The following COL28A1 variants were observed in gnomAD, a reference collection of about 807,000 sequenced individuals.
COL28A1 encodes the protein collagen alpha-1(XXVIII) chain.
COL28A1 carries 161 observed loss-of-function variants against 150.2 expected under a neutral mutation model. The ratio of observed to expected loss-of-function variants is 1.07; its 90% CI spans 0.94 to 1.22. The LOEUF (loss-of-function observed/expected upper bound fraction) is 1.22, where lower values mean the gene tolerates loss of function less well. COL28A1 is among the 50% of genes most tolerant of loss of function. COL28A1 has a pLI of 0.00. For synonymous variants in COL28A1, 552 were observed against 469.7 expected (o/e 1.18, Z -2.26); for missense variants, 1,617 against 1,388.3 (o/e 1.16, Z -2.62).
At chr7:7,378,120 C>T (rs963335891) in intron 30 of COL28A1, among the ~76,000 whole-genome samples, 2 of 151,954 alleles carry the variant, frequency 1.3e-5, no homozygotes, top group Non-Finnish European at 2.9e-5. Context: ...TAAGATCTGG[C>T]GCTTGGGAGA....
chr7:7,490,758 C>T, intron 11 of COL28A1, 112 bp from the exon 12 acceptor site: 1 of 541,582 alleles, frequency 1.8e-6, no homozygotes. Flanking sequence ...CAACAACAAA[C>T]CTGTACATCG....
chr7:7,374,438 C>A (rs1470819962), intron 31 of COL28A1, among the ~76,000 whole-genome samples: 1 of 152,056 alleles, frequency 6.6e-6, no homozygotes, highest in Admixed American at 6.6e-5. Flanking sequence ...TCCAGTCACC[C>A]ACAATGACAA....
intron 3 of COL28A1, among the ~76,000 whole-genome samples, chr7:7,527,729 A>T (rs1782110021): frequency 6.6e-6 from 1 of 152,212 alleles, no homozygotes; most frequent in South Asian, 2.1e-4. Context: ...ATGGATTCAT[A>T]TATATGGCAT....
chr7:7,375,724 G>C (rs144260879), intron 30 of COL28A1, among the ~76,000 whole-genome samples: 1 of 152,156 alleles, frequency 6.6e-6, no homozygotes, highest in Non-Finnish European at 1.5e-5. Context: ...AATTCAAATT[G>C]CAACTGCAGC....
downstream of COL28A1, among the ~76,000 whole-genome samples, chr7:7,351,851 C>A (rs1205304034): frequency 1.3e-5 from 2 of 152,128 alleles, no homozygotes; most frequent in Non-Finnish European, 2.9e-5. Flanking sequence ...AATGGACACT[C>A]CTCTCAGTCA....
chr7:7,392,661 C>T (rs1318843017), intron 27 of COL28A1, among the ~76,000 whole-genome samples: 3 of 152,174 alleles, frequency 2.0e-5, no homozygotes, highest in Non-Finnish European at 4.4e-5. Flanking sequence ...TTCTTGGAGG[C>T]TTTGTTGGTT....
chr7:7,485,751 A>G (rs1284075824), intron 13 of COL28A1, among the ~76,000 whole-genome samples: 1 of 152,128 alleles, frequency 6.6e-6, no homozygotes, highest in Non-Finnish European at 1.5e-5. Context: ...TGCTTTCACA[A>G]TCTGTTGACT....
At position 7,443,647 on chromosome 7, in the gene COL28A1, C is replaced by A. The variant is rs369405415; in HGVS notation, c.1588G>T (p.Ala530Ser). 6.2e-7 allele frequency: 1 copy of A among 1,614,074 alleles called. No individual in the cohort carries two copies. Among genetic ancestry groups the A allele is most frequent in the Admixed American group, 1.7e-5 (1 of 60,012 alleles). Reference protein sequence around the residue: ...EDGAAGKKGEAGLPGARGPEG... With the variant: ...EDGAAGKKGESGLPGARGPEG... ...GGGCCTCTTGCTCCCGGAAGCCCCG[C>A]TTCTCCCTAGAGAAAATGACACTGA... The change falls in exon 20 of 35, where the codon GCG (alanine) becomes TCG (serine). Residue 530 changes from alanine (A) to serine (S), a missense_variant. Ala to Ser is a moderately conservative substitution (Grantham distance 99, BLOSUM62 1). Coordinates refer to ENST00000399429, the MANE Select transcript of COL28A1 (RefSeq NM_001037763.3).
chr7:7,381,489 T>A, intron 28 of COL28A1, 55 bp downstream of exon 28: 1 of 1,281,444 alleles, frequency 7.8e-7, no homozygotes, highest in Non-Finnish European at 1.1e-6. Context: ...AAAGTTAAAG[T>A]TAAGCTATTG....
chr7:7,513,769 G>A (rs953492822), intron 8 of COL28A1, among the ~76,000 whole-genome samples: 3 of 152,168 alleles, frequency 2.0e-5, no homozygotes, highest in African/African-American at 7.2e-5. Flanking sequence ...TTAGCTATAG[G>A]GGCCTGAGGA....
chr7:7,511,601 C>G (rs1272840079), intron 8 of COL28A1: 1 of 319,682 alleles, frequency 3.1e-6, no homozygotes, highest in Non-Finnish European at 6.4e-6. Flanking sequence ...GATACTTTAA[C>G]TTGGAATTCC....
chr7:7,365,648 T>C (rs1780896833), intron 33 of COL28A1, among the ~76,000 whole-genome samples: 1 of 152,212 alleles, frequency 6.6e-6, no homozygotes, highest in African/African-American at 2.4e-5. Flanking sequence ...ATTTTGCATA[T>C]ATTACAAAGT....
intron 26 of COL28A1, among the ~76,000 whole-genome samples, chr7:7,418,238 C>G (rs1239704517): frequency 6.6e-6 from 1 of 152,222 alleles, no homozygotes; most frequent in Non-Finnish European, 1.5e-5. Flanking sequence ...CCACCAAGCT[C>G]AAGAACACCA....
intron 27 of COL28A1, among the ~76,000 whole-genome samples, chr7:7,394,970 C>G (rs1782753341): frequency 6.6e-6 from 1 of 152,114 alleles, no homozygotes; most frequent in Non-Finnish European, 1.5e-5. Flanking sequence ...CTCATTGCCT[C>G]AGACTGAAAT....
At chr7:7,393,423 C>T (rs1182863074) in intron 27 of COL28A1, among the ~76,000 whole-genome samples, 5 of 152,208 alleles carry the variant, frequency 3.3e-5, no homozygotes, top group Non-Finnish European at 7.3e-5. Context: ...AGTCAGGAGA[C>T]ACAGGGTTCA....
At chr7:7,482,240 G>GA (rs1779366994) in intron 13 of COL28A1, among the ~76,000 whole-genome samples, 1 of 152,068 alleles carries the variant, frequency 6.6e-6, no homozygotes. Context: ...AATTCACATT[G>GA]TTGGCTGAGC....
At chr7:7,390,124 G>C (rs905570954) in intron 27 of COL28A1, among the ~76,000 whole-genome samples, 2 of 152,152 alleles carry the variant, frequency 1.3e-5, no homozygotes, top group Admixed American at 6.5e-5. Flanking sequence ...TACTGGCTTT[G>C]GGTTTGTCAT....
At chr7:7,349,793 TTGGTCCC>T in the COL28A1 span, among the ~76,000 whole-genome samples, 1 of 152,096 alleles carries the variant, frequency 6.6e-6, no homozygotes, top group East Asian at 1.9e-4. Context: ...GAGAGAGAAT[TTGGTCCC>T]TGTTACTTCT....
intron 27 of COL28A1, among the ~76,000 whole-genome samples, chr7:7,407,749 G>C (rs1377875702): frequency 1.3e-5 from 2 of 152,038 alleles, no homozygotes; most frequent in African/African-American, 4.8e-5. Context: ...AAGAGAAAGA[G>C]AATAGTAAAT....
Sources: allele counts gnomAD v4.1 joint callset (sites outside exome capture counted in the v4.1 genomes callset), GRCh38; gene constraint gnomAD v4.1.1; transcripts MANE v1.5; gene names NCBI Gene and HGNC (gene_info 2026-07-23, HGNC 2026-07-21).